STK39: variants seen among roughly 807,000 people sequenced by gnomAD.
STK39 encodes the protein STE20/SPS1-related proline-alanine-rich protein kinase.
A neutral mutation model predicts 77.8 loss-of-function variants in STK39; 20 were observed. The observed-to-expected ratio is 0.26, with a 90% confidence interval of 0.18 to 0.37. STK39 has a LOEUF of 0.37. STK39 is among the 10% of genes least tolerant of loss of function. STK39 has a pLI of 1.00. For missense variants in STK39, 479 were observed against 656.5 expected (o/e 0.73, Z 2.95); for synonymous variants, 246 against 234.1 (o/e 1.05, Z -0.47).
At chr2:168,191,099 A>G (rs1689328435) in intron 1 of STK39, among the ~76,000 whole-genome samples, 1 of 152,178 alleles carries the variant, frequency 6.6e-6, no homozygotes. Flanking sequence ...TATATGCAAA[A>G]AGAAGAGCCA....
chr2:167,990,857 T>C (rs911047002), intron 16 of STK39, among the ~76,000 whole-genome samples: 2 of 152,238 alleles, frequency 1.3e-5, no homozygotes, highest in South Asian at 2.1e-4. Context: ...AGTCCTGTGA[T>C]AGGTGAACTC....
chr2:168,011,273 T>C (rs1315654563), intron 16 of STK39, among the ~76,000 whole-genome samples: 4 of 152,258 alleles, frequency 2.6e-5, no homozygotes, highest in African/African-American at 9.6e-5. Flanking sequence ...CACTCCAGCC[T>C]GGGTGACAGA....
intron 1 of STK39, among the ~76,000 whole-genome samples, chr2:168,182,663 A>C (rs962041266): frequency 6.6e-6 from 1 of 152,158 alleles, no homozygotes; most frequent in Non-Finnish European, 1.5e-5. Context: ...TAAATTTTCT[A>C]TTTCTAAGGT....
chr2:168,239,275 A>T (rs1354234703), intron 1 of STK39, among the ~76,000 whole-genome samples: 1 of 152,164 alleles, frequency 6.6e-6, no homozygotes, highest in Admixed American at 6.5e-5. Context: ...TGATATACAA[A>T]AGAAAAGAAA....
At chr2:168,207,254 T>C (rs1258936769) in intron 1 of STK39, among the ~76,000 whole-genome samples, 1 of 152,264 alleles carries the variant, frequency 6.6e-6, no homozygotes, top group African/African-American at 2.4e-5. Context: ...TTTTTTGTTG[T>C]TGCATTACAG....
chr2:168,231,799 G>C (rs1229841536), intron 1 of STK39: 1 of 214,028 alleles, frequency 4.7e-6, no homozygotes, highest in Non-Finnish European at 9.9e-6. Context: ...CAAAGTGCCA[G>C]TATACTAGCA....
At chr2:168,057,852 T>TA in intron 14 of STK39, among the ~76,000 whole-genome samples, 1 of 152,252 alleles carries the variant, frequency 6.6e-6, no homozygotes, top group African/African-American at 2.4e-5. Context: ...CCCCTGATGG[T>TA]AGCTGCACCA....
rs201604062 is a variant in STK39, at chr2:168,140,435, G to C, written c.739-45C>G. On this transcript the variant is annotated intron_variant, in intron 6 of 17. Coordinates refer to ENST00000355999, the MANE Select transcript of STK39 (RefSeq NM_013233.3). The stretch of plus-strand genomic sequence containing the variant: ...AAAAACACAATCATACAGCAGGCAT[G>C]TTACACATCATCAAGTCCATGTCAT... 3.4e-5 allele frequency: 51 copies of C among 1,503,920 alleles called. 1 individual carries two copies. The South Asian group carries it at 5.1e-4, about 15-fold the overall frequency. 93.2% of individuals were successfully genotyped at this position (1,503,920 alleles called of 1,614,324 possible). A position where few individuals can be genotyped will look rare whatever the true frequency, so the allele number is the denominator to read the frequency against.
intron 5 of STK39, among the ~76,000 whole-genome samples, chr2:168,153,739 C>G (rs990278081): frequency 1.3e-5 from 2 of 152,026 alleles, no homozygotes; most frequent in Non-Finnish European, 2.9e-5. Context: ...AAAGAAGGAA[C>G]GGCCCATGCA....
intron 1 of STK39, among the ~76,000 whole-genome samples, chr2:168,207,485 G>T (rs746326220): frequency 3.9e-5 from 6 of 152,152 alleles, no homozygotes; most frequent in Admixed American, 3.9e-4. Context: ...CAATGCAGAA[G>T]ATACAGCAAT....
rs79605887 is a variant in STK39, at chr2:168,151,991, A to T, written c.628+9796T>A. On this transcript the variant is annotated intron_variant, in intron 5 of 17. Transcript: ENST00000355999. The stretch of plus-strand genomic sequence containing the variant: ...CAGATAATCTGCCCATCTATGTCAG[A>T]GCTACAGAACCCTTGCCCCAAAGCA... Among the ~76,000 whole-genome samples, 35 of 152,314 alleles carry T rather than the reference A, an allele frequency of 2.3e-4. 1 individual carries two copies. The East Asian group carries it at 6.8e-3, about 29-fold the overall frequency.
chr2:167,975,671 G>A (rs762702003), intron 16 of STK39, among the ~76,000 whole-genome samples: 6 of 152,262 alleles, frequency 3.9e-5, no homozygotes, highest in South Asian at 4.1e-4. Flanking sequence ...AAAATCAGCC[G>A]GGCGTGGTGG....
chr2:167,970,087 T>C (rs897809622), intron 16 of STK39, among the ~76,000 whole-genome samples: 4 of 152,134 alleles, frequency 2.6e-5, no homozygotes, highest in Non-Finnish European at 4.4e-5. Context: ...CATGACTCCA[T>C]GACTGCCTCC....
chr2:168,025,671 C>A (rs541460442), intron 14 of STK39, among the ~76,000 whole-genome samples: 2 of 152,166 alleles, frequency 1.3e-5, no homozygotes, highest in African/African-American at 2.4e-5. Flanking sequence ...GAATGTGCAG[C>A]CCTCAGGGAA....
intron 8 of STK39, among the ~76,000 whole-genome samples, chr2:168,133,938 GGGTTTTTTT>G (rs1687766512): frequency 6.6e-6 from 1 of 152,034 alleles, no homozygotes; most frequent in Non-Finnish European, 1.5e-5. Flanking sequence ...TTTGATTTTA[GGGTTTTTTT>G]GGTTTTTATT....
chr2:167,993,173 T>C, intron 16 of STK39, among the ~76,000 whole-genome samples: 1 of 152,182 alleles, frequency 6.6e-6, no homozygotes, highest in East Asian at 1.9e-4. Flanking sequence ...CTAAGACTAT[T>C]TAATGGGAGT....
chr2:167,990,003 G>A (rs1207346271), intron 16 of STK39, among the ~76,000 whole-genome samples: 2 of 151,734 alleles, frequency 1.3e-5, no homozygotes, highest in Non-Finnish European at 2.9e-5. Context: ...GGGCTAAAAC[G>A]ACCAATAATA....
intron 1 of STK39, among the ~76,000 whole-genome samples, chr2:168,202,010 A>G (rs1300251217): frequency 2.0e-5 from 3 of 152,208 alleles, no homozygotes; most frequent in Non-Finnish European, 4.4e-5. Flanking sequence ...ACAGAAAACA[A>G]CGAGCCAGAG....
At chr2:168,048,507 C>T (rs1490686649) in intron 14 of STK39, among the ~76,000 whole-genome samples, 3 of 151,732 alleles carry the variant, frequency 2.0e-5, no homozygotes, top group Non-Finnish European at 2.9e-5. Flanking sequence ...CCACCGCGCC[C>T]GGCCCGGCCC....
Sources: gnomAD v4.1 joint callset for allele counts (sites outside exome capture counted in the v4.1 genomes callset) on GRCh38, gnomAD v4.1.1 for gene constraint, MANE v1.5 for transcripts, NCBI Gene and HGNC (gene_info 2026-07-23, HGNC 2026-07-21) for gene names.